EML1: variants seen among roughly 807,000 people sequenced by gnomAD.
EML1 encodes EMAP like 1.
Under a neutral mutation model 110.4 loss-of-function variants are expected in EML1, and 27 were observed. The observed-to-expected ratio is 0.24, with a 90% confidence interval of 0.18 to 0.34. The LOEUF is 0.34. EML1 is among the 10% of genes least tolerant of loss of function. EML1 has a pLI of 1.00. For synonymous variants in EML1, 344 were observed against 385.8 expected (o/e 0.89, Z 1.27); for missense variants, 741 against 1,030.9 (o/e 0.72, Z 3.85).
intron 12 of EML1, 102 bp downstream of exon 12, chr14:99,910,443 A>G: frequency 1.1e-6 from 1 of 901,414 alleles, no homozygotes; most frequent in African/African-American, 1.7e-5. Flanking sequence ...GTACAGGAGT[A>G]GGATGAAATT....
intron 2 of EML1, among the ~76,000 whole-genome samples, chr14:99,862,956 T>A (rs1338812596): frequency 6.6e-6 from 1 of 152,182 alleles, no homozygotes; most frequent in Non-Finnish European, 1.5e-5. Context: ...TATGTATGTA[T>A]TTATACTTAC....
chr14:99,762,421 T>A (rs2057324062), intron 1 of EML1, among the ~76,000 whole-genome samples: 1 of 152,182 alleles, frequency 6.6e-6, no homozygotes, highest in African/African-American at 2.4e-5. Context: ...ACCCCTCAGG[T>A]AAACACTGTT....
At chr14:99,836,395 C>A (rs1277759246) in intron 1 of EML1, among the ~76,000 whole-genome samples, 7 of 152,002 alleles carry the variant, frequency 4.6e-5, no homozygotes, top group African/African-American at 1.7e-4. Flanking sequence ...AACAGTGTTA[C>A]GAGAGGGTTT....
chr14:99,900,782 A>G, intron 8 of EML1, 147 bp from the exon 9 acceptor site: 1 of 658,758 alleles, frequency 1.5e-6, no homozygotes, highest in Non-Finnish European at 2.6e-6. Context: ...TTTTATTTAC[A>G]TAAAAAGGCA....
In EML1 at chr14:99,939,129, G is replaced by A. The variant is rs200707967; in HGVS notation, c.2192-68G>A. Reference sequence around the variant, plus strand: ...TCATGTTCAGGACCGTTCAGTGGGCGCTTCCTGCGCCATGTGGCCCTGTGG... The same window carrying A: ...TCATGTTCAGGACCGTTCAGTGGGCACTTCCTGCGCCATGTGGCCCTGTGG... On this transcript the variant is annotated intron_variant, in intron 20 of 21. Coordinates refer to ENST00000262233, the MANE Select transcript of EML1 (RefSeq NM_004434.3). This position sits in a 1 kb window ranked among gnomAD's most constrained non-coding sequence, Gnocchi z 4.2. 284 of 1,580,152 alleles carry A rather than the reference G, an allele frequency of 1.8e-4. No homozygotes were observed. Among genetic ancestry groups the A allele is most frequent in the Non-Finnish European group, 2.2e-4 (262 of 1,164,780 alleles).
At chr14:99,796,892 T>C (rs1050823122) in intron 1 of EML1, among the ~76,000 whole-genome samples, 4 of 149,070 alleles carry the variant, frequency 2.7e-5, no homozygotes, top group Non-Finnish European at 5.9e-5. Context: ...GATACCAGTC[T>C]AAATCTTTGT....
At chr14:99,832,990 T>C (rs2058484999) in intron 1 of EML1, among the ~76,000 whole-genome samples, 1 of 152,198 alleles carries the variant, frequency 6.6e-6, no homozygotes, top group Non-Finnish European at 1.5e-5. Flanking sequence ...TGATTGATTC[T>C]GACACCCAGG....
intron 17 of EML1, among the ~76,000 whole-genome samples, chr14:99,924,086 A>G (rs2060189581): frequency 6.6e-6 from 1 of 152,196 alleles, no homozygotes; most frequent in Admixed American, 6.5e-5. Context: ...CTGTCTCTCC[A>G]TTTATTTAGG....
chr14:99,768,648 C>T (rs2057391527), upstream of EML1, among the ~76,000 whole-genome samples: 1 of 151,952 alleles, frequency 6.6e-6, no homozygotes. Context: ...GTGACTCTTG[C>T]ACCAGAACAG....
chr14:99,900,972 A>C lies in EML1; in HGVS notation c.941A>C (p.Asn314Thr). 1 of 1,614,202 alleles carries C rather than the reference A, an allele frequency of 6.2e-7. No individual in the cohort carries two copies. The highest frequency in any genetic ancestry group is 8.5e-7 in the Non-Finnish European group (1 of 1,180,038). The change falls in exon 9 of 22, where the codon AAT becomes ACT. Residue 314 changes from asparagine to threonine, a missense_variant. Transcript: ENST00000262233. ...HVRIWDSVTL[N>T]TLHVIGIGFF... The stretch of plus-strand genomic sequence containing the variant: ...CGCATCTGGGATTCTGTGACATTGA[A>C]TACTCTCCACGTCATTGGAATAGGT...
chr14:99,743,318 TC>T (rs1213270380), intron 1 of EML1, among the ~76,000 whole-genome samples: 1 of 152,098 alleles, frequency 6.6e-6, no homozygotes, highest in Non-Finnish European at 1.5e-5. Flanking sequence ...CAGGGACCCT[TC>T]CCTGAGTTCT....
chr14:99,781,949 T>C lies in EML1; in HGVS notation c.-27+7936T>C, dbSNP rs75562968. Among the ~76,000 whole-genome samples, 542 of 152,280 alleles carry C rather than the reference T, an allele frequency of 3.6e-3. 4 individuals are homozygous for C. Among genetic ancestry groups the C allele is most frequent in the African/African-American group, 0.013 (522 of 41,552 alleles). ...CTGGGGTTTCACTAATCCCCATGTG[T>C]CTGTCGGTCCCAAACCCAAGCAACA... On this transcript the variant is annotated intron_variant, in intron 1 of 22. Transcript: ENST00000327921. This position sits in a 1 kb window ranked among gnomAD's most constrained non-coding sequence, Gnocchi z 4.2.
chr14:99,793,418 G>C lies in EML1; in HGVS notation c.-59G>C. The C allele has an allele frequency of 9.8e-7, 1 of 1,022,128 alleles. No individual in the cohort carries two copies. The highest frequency in any genetic ancestry group is 1.2e-6 in the Non-Finnish European group (1 of 854,946). 63.3% of individuals were successfully genotyped at this position (1,022,128 alleles called of 1,614,324 possible). On this transcript the variant is annotated 5_prime_UTR_variant, in exon 1 of 22. Coordinates refer to ENST00000262233, the MANE Select transcript of EML1 (RefSeq NM_004434.3). ...GTCGCGGTCGGGCTCAGCTCAGTGT[G>C]TGGTGAGCGGCGGCGGCGCGGCCGG...
chr14:99,920,630 A>G (rs1387283343), intron 16 of EML1, among the ~76,000 whole-genome samples, 159 bp from the exon 17 acceptor site: 1 of 152,124 alleles, frequency 6.6e-6, no homozygotes, highest in East Asian at 1.9e-4. Flanking sequence ...TATATAGGAA[A>G]TTTTCTTTGA....
At position 99,783,751 on chromosome 14, in the gene EML1, G is replaced by C. The variant is rs8017088; in HGVS notation, c.-27+9738G>C. 4.2e-3 allele frequency among the ~76,000 whole-genome samples: 643 copies of C among 152,306 alleles called. 7 individuals are homozygous for C. The highest frequency in any genetic ancestry group is 0.015 in the African/African-American group (620 of 41,560). On this transcript the variant is annotated intron_variant, in intron 1 of 22. Transcript: ENST00000327921. Reference sequence around the variant, plus strand: ...GCCCTCCTCGGCCTCCCAAAGTGCTGGGATTATAGGCGTGAGCCACCACGT... The same window carrying C: ...GCCCTCCTCGGCCTCCCAAAGTGCTCGGATTATAGGCGTGAGCCACCACGT...
At position 99,894,672 on chromosome 14, in the gene EML1, C is replaced by A. The variant is rs776703881; in HGVS notation, c.591C>A (p.Thr197=). 5.0e-6 allele frequency: 8 copies of A among 1,613,366 alleles called. No individual in the cohort carries two copies. The highest frequency in any genetic ancestry group is 5.9e-6 in the Non-Finnish European group (7 of 1,179,784). ...VKMFLRGRPV[T]MYMPKDQVDS... ...TGTTTCTTCGTGGACGCCCTGTTAC[C>A]ATGTACATGCCCAAAGATCAAGTGG... Residue 197 remains threonine, a synonymous_variant, in exon 6 of 22, where the codon ACC becomes ACA. Transcript: ENST00000262233.
At chr14:99,869,293 TATC>T (rs2059155577) in intron 3 of EML1, among the ~76,000 whole-genome samples, 4 of 152,204 alleles carry the variant, frequency 2.6e-5, no homozygotes, top group African/African-American at 7.2e-5. Context: ...ACTTTTTTGT[TATC>T]ATTATGTCTG....
chr14:99,901,304 T>C (rs1019208106), intron 9 of EML1, among the ~76,000 whole-genome samples: 1 of 152,162 alleles, frequency 6.6e-6, no homozygotes, highest in African/African-American at 2.4e-5. Flanking sequence ...TCGTCCTCAC[T>C]TTCCTTAAGG....
intron 1 of EML1, among the ~76,000 whole-genome samples, chr14:99,798,351 T>C (rs528946823): frequency 5.8e-4 from 88 of 152,196 alleles, no homozygotes; most frequent in Non-Finnish European, 8.8e-4. Context: ...ACAAAGAAGA[T>C]TAGAATTGGA....
Sources: gnomAD v4.1 joint callset for allele counts (sites outside exome capture counted in the v4.1 genomes callset) on GRCh38, gnomAD v4.1.1 for gene constraint, Gnocchi (gnomAD v3.1) non-coding constraint, MANE v1.5 for transcripts, NCBI Gene and HGNC (gene_info 2026-07-23, HGNC 2026-07-21) for gene names.